NIPAL4: variants seen among roughly 807,000 people sequenced by gnomAD.
NIPAL4 encodes the protein magnesium transporter NIPA4.
In NIPAL4, 21 loss-of-function variants were observed where a neutral mutation model predicts 31.6. That is an observed-to-expected ratio of 0.67 (90% CI 0.47 to 0.96). The LOEUF is 0.96. Ranked by LOEUF, NIPAL4 falls within the 40% of genes least tolerant of loss-of-function variation. The pLI, the probability that NIPAL4 is intolerant of heterozygous loss-of-function variation, is 0.00. For missense variants in NIPAL4, 438 were observed against 508.0 expected (o/e 0.86, Z 1.32); for synonymous variants, 175 against 211.1 (o/e 0.83, Z 1.48).
At chr5:157,464,318 G>A (rs79339674) in intron 2 of NIPAL4, among the ~76,000 whole-genome samples, 7,480 of 152,268 alleles carry the variant, frequency 0.049, 259 homozygotes, top group Middle Eastern at 0.082. Context: ...TGAAGGGCCA[G>A]CTCATGAAGG....
intron 3 of NIPAL4, 102 bp from the exon 4 acceptor site, chr5:157,468,620 C>A: frequency 2.6e-6 from 2 of 757,596 alleles, no homozygotes; most frequent in Non-Finnish European, 4.8e-6. Context: ...TTAAGGAATG[C>A]TGGTCTGGGA....
chr5:157,467,672 C>T (rs1340463939), intron 3 of NIPAL4: 1 of 158,580 alleles, frequency 6.3e-6, no homozygotes, highest in East Asian at 1.8e-4. Flanking sequence ...ATCCCAGTGA[C>T]CATCTGCTTT....
intron 1 of NIPAL4, among the ~76,000 whole-genome samples, chr5:157,461,591 G>A (rs1754109731): frequency 6.6e-6 from 1 of 152,244 alleles, no homozygotes; most frequent in Non-Finnish European, 1.5e-5. Flanking sequence ...TTCAGCTCTT[G>A]GGCAAGGAAG....
chr5:157,465,275 T>C (rs189517284), intron 2 of NIPAL4, among the ~76,000 whole-genome samples: 5 of 152,322 alleles, frequency 3.3e-5, no homozygotes, highest in Non-Finnish European at 5.9e-5. Flanking sequence ...TCATTGACCA[T>C]TCAGAAAGAC....
chr5:157,472,712 G>A lies in NIPAL4; in HGVS notation c.967G>A (p.Val323Met), dbSNP rs563737484. Reference protein sequence around the residue: ...LFKEWYSMSAVDIAGTLSGFV... With the variant: ...LFKEWYSMSAMDIAGTLSGFV... ...CAAGGAGTGGTACAGCATGTCTGCT[G>A]TGGACATTGCAGGCACCCTCTCGGG... Residue 323 changes from valine to methionine, a missense_variant, in exon 6 of 6, where the codon GTG becomes ATG. Coordinates refer to ENST00000311946, the MANE Select transcript of NIPAL4 (RefSeq NM_001099287.2). 1,412 of 1,614,000 alleles carry A rather than the reference G, an allele frequency of 8.7e-4. 21 individuals are homozygous for A. The South Asian group carries it at 0.015, about 17-fold the overall frequency.
intron 4 of NIPAL4, among the ~76,000 whole-genome samples, chr5:157,469,750 T>C (rs1754373833): frequency 6.6e-6 from 1 of 152,186 alleles, no homozygotes; most frequent in Non-Finnish European, 1.5e-5. Context: ...CGCCGGTAAA[T>C]TGTAGCAGAC....
intron 4 of NIPAL4, among the ~76,000 whole-genome samples, chr5:157,470,011 G>C (rs1347624578): frequency 6.6e-6 from 1 of 152,158 alleles, no homozygotes; most frequent in Non-Finnish European, 1.5e-5. Context: ...ATAATCTCTT[G>C]AATGGGACAT....
At chr5:157,467,459 G>A (rs1028361743) in intron 3 of NIPAL4, 59 of 290,930 alleles carry the variant, frequency 2.0e-4, no homozygotes, top group Admixed American at 1.9e-3. Flanking sequence ...CCCCCAGTCC[G>A]CAGGCAGTTA....
chr5:157,469,826 A>G (rs780819827), intron 4 of NIPAL4, among the ~76,000 whole-genome samples: 12 of 152,206 alleles, frequency 7.9e-5, no homozygotes, highest in Non-Finnish European at 1.5e-4. Flanking sequence ...ACACACTCAA[A>G]AAACAAATAG....
At chr5:157,464,271 A>G (rs1754192610) in intron 2 of NIPAL4, among the ~76,000 whole-genome samples, 1 of 152,214 alleles carries the variant, frequency 6.6e-6, no homozygotes, top group Admixed American at 6.5e-5. Flanking sequence ...ATCGAAAGTC[A>G]TTCAGAATGG....
intron 1 of NIPAL4, 164 bp downstream of exon 1, chr5:157,460,521 G>A (rs1156462111): frequency 2.7e-6 from 2 of 747,396 alleles, no homozygotes; most frequent in East Asian, 5.3e-5. Context: ...CTGGGTTCTG[G>A]CTGAGACTTC....
At chr5:157,463,539 A>G (rs1485866559) in intron 2 of NIPAL4, among the ~76,000 whole-genome samples, 2 of 152,234 alleles carry the variant, frequency 1.3e-5, no homozygotes, top group Non-Finnish European at 1.5e-5. Context: ...AGCAAACAGG[A>G]TGCCTTCCTT....
chr5:157,464,494 T>C (rs1190325478), intron 2 of NIPAL4, among the ~76,000 whole-genome samples: 2 of 151,538 alleles, frequency 1.3e-5, no homozygotes, highest in African/African-American at 2.4e-5. Flanking sequence ...AGTAGGTGAG[T>C]GAAAGGACAG....
In NIPAL4 at chr5:157,468,778, G is replaced by A. The variant is rs972052764; in HGVS notation, c.391G>A (p.Val131Ile). ...GAYAFAPATV[V>I]TPLGALSVLI... is the part of the protein sequence containing the mutation. The stretch of plus-strand genomic sequence containing the variant: ...CTACGCATTTGCACCTGCAACAGTC[G>A]TCACGCCTCTGGGAGCGCTGAGTGT... Residue 131 changes from valine (V) to isoleucine (I), a missense_variant, in exon 4 of 6, where the codon GTC (valine) becomes ATC (isoleucine). Physicochemically the swap from Val to Ile is conservative, Grantham distance 29. Coordinates refer to ENST00000311946, the MANE Select transcript of NIPAL4 (RefSeq NM_001099287.2). 1.9e-5 allele frequency: 31 copies of A among 1,610,420 alleles called. No homozygotes were observed. Among genetic ancestry groups the A allele is most frequent in the Middle Eastern group, 1.6e-4 (1 of 6,080 alleles).
chr5:157,468,805 C>T lies in NIPAL4; in HGVS notation c.418C>T (p.Leu140Phe), dbSNP rs768397276. 1.3e-6 allele frequency: 2 copies of T among 1,598,848 alleles called. No individual in the cohort carries two copies. Among genetic ancestry groups the T allele is most frequent in the Non-Finnish European group, 1.7e-6 (2 of 1,169,822 alleles). Residue 140 changes from leucine (L) to phenylalanine (F), a missense_variant, in exon 4 of 6, where the codon CTC becomes TTC. Leu to Phe is a conservative substitution (Grantham distance 22). Coordinates refer to ENST00000311946, the MANE Select transcript of NIPAL4 (RefSeq NM_001099287.2). ...VVTPLGALSV[L>F]ISAILSSYFL... is the part of the protein sequence containing the mutation. Reference sequence around the variant, plus strand: ...CACGCCTCTGGGAGCGCTGAGTGTCCTCATAAGGTTATTGTCCCCTCTCTA... The same window carrying T: ...CACGCCTCTGGGAGCGCTGAGTGTCTTCATAAGGTTATTGTCCCCTCTCTA...
At chr5:157,465,514 C>T (rs1262434203) in intron 2 of NIPAL4, among the ~76,000 whole-genome samples, 1 of 152,170 alleles carries the variant, frequency 6.6e-6, no homozygotes, top group Non-Finnish European at 1.5e-5. Context: ...CTATCATCAT[C>T]CATTATTATC....
chr5:157,462,116 G>A (rs567343974), intron 1 of NIPAL4, among the ~76,000 whole-genome samples: 3 of 152,314 alleles, frequency 2.0e-5, no homozygotes, highest in East Asian at 3.9e-4. Context: ...TACCTCCAGA[G>A]GTAACAAACT....
chr5:157,463,266 C>T lies in NIPAL4; in HGVS notation c.210C>T (p.Ile70=), dbSNP rs540083388. 7.4e-6 allele frequency: 12 copies of T among 1,613,806 alleles called. No individual in the cohort carries two copies. Among genetic ancestry groups the T allele is most frequent in the East Asian group, 4.5e-5 (2 of 44,886 alleles). ...LGLAFLSSFL[I]GSSVILKKKG... ...TGGCATTCCTGTCTAGCTTCCTCAT[C>T]GGCAGCAGCGTCATCCTCAAGAAGA... Residue 70 remains isoleucine (I), a synonymous_variant, in exon 2 of 6, where the codon ATC becomes ATT. Transcript: ENST00000311946.
chr5:157,462,907 A>C (rs1754146720), intron 1 of NIPAL4, among the ~76,000 whole-genome samples, 187 bp from the exon 2 acceptor site: 2 of 152,222 alleles, frequency 1.3e-5, no homozygotes, highest in Non-Finnish European at 2.9e-5. Context: ...TGTTGTGGTC[A>C]TGCAAAGAAA....
Sources: gnomAD v4.1 joint callset for allele counts (sites outside exome capture counted in the v4.1 genomes callset) on GRCh38, gnomAD v4.1.1 for gene constraint, MANE v1.5 for transcripts, NCBI Gene and HGNC (gene_info 2026-07-23, HGNC 2026-07-21) for gene names.